TRIM59: variants seen among roughly 807,000 people sequenced by gnomAD.
The protein encoded by TRIM59 is tripartite motif-containing protein 59.
A neutral mutation model predicts 32.2 loss-of-function variants in TRIM59; 14 were observed. The observed-to-expected ratio is 0.43, with a 90% CI of 0.29 to 0.68. The LOEUF is 0.68. Among genes scored for constraint, TRIM59 ranks in the 30% least tolerant of loss-of-function variants. The pLI is 0.15. For synonymous variants in TRIM59, 163 were observed against 155.1 expected, an observed-to-expected ratio of 1.05 and a Z score of -0.38; for missense variants, 471 against 463.3, an observed-to-expected ratio of 1.02 and a Z score of -0.15.
In TRIM59 at chr3:160,438,134, T is replaced by C; in HGVS notation, c.1050A>G (p.Gln350=). 6.2e-7 allele frequency: 1 copy of C among 1,612,122 alleles called. No individual in the cohort carries two copies. Among genetic ancestry groups the C allele is most frequent in the Non-Finnish European group, 8.5e-7 (1 of 1,179,360 alleles). The change falls in exon 3 of 3, where the codon CAA becomes CAG. Residue 350 remains glutamine, a synonymous_variant. Transcript: ENST00000309784. ...TTTCACTTAAAAAGGTTATGATGTGTTGGTTGAAAAAGAGTATCGACATCA... is the reference window on the plus strand; with the variant it reads ...TTTCACTTAAAAAGGTTATGATGTGCTGGTTGAAAAAGAGTATCGACATCA... ...VILMSILFFN[Q]HIITFLSEIT... is the part of the protein sequence containing the mutation.
chr3:160,442,418 C>G (rs1468141485), intron 2 of TRIM59, among the ~76,000 whole-genome samples: 1 of 152,026 alleles, frequency 6.6e-6, no homozygotes, highest in African/African-American at 2.4e-5. Flanking sequence ...CCTGTATCTA[C>G]TAAAAATACA....
Position 160,438,737 on chromosome 3 carries a change from A to G in TRIM59, c.447T>C (p.Leu149=), listed in dbSNP as rs1231739964. 1 of 1,614,086 alleles carries G rather than the reference A, an allele frequency of 6.2e-7. No individual in the cohort carries two copies. The highest frequency in any genetic ancestry group is 1.7e-5 in the Admixed American group (1 of 60,022). ...TCCAGTGTGTGTCAGTCAACTGTTCAAGCAGTTTTTGAGGAGTGTCCTTTT... is the reference window on the plus strand; with the variant it reads ...TCCAGTGTGTGTCAGTCAACTGTTCGAGCAGTTTTTGAGGAGTGTCCTTTT... ...LKEKDTPQKL[L]EQLTDTHWTD... is the part of the protein sequence containing the mutation. The change falls in exon 3 of 3, where the codon CTT becomes CTC. Residue 149 remains leucine, a synonymous_variant. Coordinates refer to ENST00000309784, the MANE Select transcript of TRIM59 (RefSeq NM_173084.3).
chr3:160,441,626 C>T (rs1032061019), intron 2 of TRIM59, among the ~76,000 whole-genome samples: 1 of 151,360 alleles, frequency 6.6e-6, no homozygotes, highest in Non-Finnish European at 1.5e-5. Context: ...TGGTGGTGGG[C>T]GCCTGTAGTC....
Position 160,435,714 on chromosome 3 carries a change from G to A in TRIM59, c.*2258C>T, listed in dbSNP as rs1718902609. On this transcript the variant is annotated 3_prime_UTR_variant, in exon 3 of 3. Transcript: ENST00000309784. ...CCTAAAAACTGGCAAGATACAAAAT[G>A]TCAAATCTAAAATGATATATATACT... 1 of 254,804 alleles carries A rather than the reference G, an allele frequency of 3.9e-6. No individual in the cohort carries two copies. Among genetic ancestry groups the A allele is most frequent in the Non-Finnish European group, 8.0e-6 (1 of 125,590 alleles). The allele number at this position is 254,804 out of a possible 1,614,324, so 15.8% of individuals were successfully genotyped here. A position where few individuals can be genotyped will look rare whatever the true frequency, so the allele number is the denominator to read the frequency against.
At chr3:160,443,311 G>A (rs1174376161) in intron 2 of TRIM59, among the ~76,000 whole-genome samples, 1 of 148,000 alleles carries the variant, frequency 6.8e-6, no homozygotes, top group African/African-American at 2.4e-5. Flanking sequence ...CTGTATGTAG[G>A]TTTCCAAACA....
Position 160,437,439 on chromosome 3 carries a change from G to C in TRIM59, c.*533C>G, listed in dbSNP as rs189730607. 4.1e-6 allele frequency: 4 copies of C among 985,322 alleles called. No individual in the cohort carries two copies. Among genetic ancestry groups the C allele is most frequent in the Admixed American group, 6.1e-5 (1 of 16,272 alleles). The allele number at this position is 985,322 out of a possible 1,614,324, so 61.0% of individuals were successfully genotyped here. A position where few individuals can be genotyped will look rare whatever the true frequency, so the allele number is the denominator to read the frequency against. The stretch of plus-strand genomic sequence containing the variant: ...TGGAGTGAATGGTGATAAGCATTTA[G>C]GGCTCTTAAATCTATCTCAAACACA... On this transcript the variant is annotated 3_prime_UTR_variant, in exon 3 of 3. Coordinates refer to ENST00000309784, the MANE Select transcript of TRIM59 (RefSeq NM_173084.3).
At chr3:160,445,773 CAAAAAAA>C (rs75175042) in intron 2 of TRIM59, among the ~76,000 whole-genome samples, 4 of 90,900 alleles carry the variant, frequency 4.4e-5, no homozygotes, top group Non-Finnish European at 8.8e-5. Flanking sequence ...GACTCTGTCT[CAAAAAAA>C]AAAAAAAAAA....
In TRIM59 at chr3:160,439,022, G is replaced by A; in HGVS notation, c.162C>T (p.Leu54=). The A allele has an allele frequency of 6.2e-7, 1 of 1,611,390 alleles. No homozygotes were observed. The highest frequency in any genetic ancestry group is 1.1e-5 in the South Asian group (1 of 90,628). ...FYIWRPLRIP[L]KCPNCRSITE... is the part of the protein sequence containing the mutation. ...TAATACTTCTGCAATTAGGGCACTT[G>A]AGTGGAATTCGTAAAGGTCTCCATA... is the stretch of plus-strand genomic sequence containing the variant. The change falls in exon 3 of 3, where the codon CTC becomes CTT. Residue 54 remains leucine (L), a synonymous_variant. Transcript: ENST00000309784.
Position 160,436,063 on chromosome 3 carries a change from G to A in TRIM59, c.*1909C>T. On this transcript the variant is annotated 3_prime_UTR_variant, in exon 3 of 3. Transcript: ENST00000309784. ...ACTTAGTATTTTTATCTCTAGCTGAGTATGTGTCTCTCCTTACCTCTACTA... is the reference window on the plus strand; with the variant it reads ...ACTTAGTATTTTTATCTCTAGCTGAATATGTGTCTCTCCTTACCTCTACTA... 8.5e-7 allele frequency: 1 copy of A among 1,171,828 alleles called. No homozygotes were observed. The highest frequency in any genetic ancestry group is 1.1e-6 in the Non-Finnish European group (1 of 933,690). 72.6% of individuals were successfully genotyped at this position (1,171,828 alleles called of 1,614,324 possible).
At chr3:160,443,289 G>A (rs755237456) in intron 2 of TRIM59, among the ~76,000 whole-genome samples, 5 of 151,974 alleles carry the variant, frequency 3.3e-5, no homozygotes. Context: ...GAACATCTTG[G>A]ATTTAGCTAT....
chr3:160,443,725 C>T (rs1473042407), intron 2 of TRIM59, among the ~76,000 whole-genome samples: 8 of 152,012 alleles, frequency 5.3e-5, no homozygotes, highest in African/African-American at 1.2e-4. Flanking sequence ...CTGCAAGCTC[C>T]GCCTCCTGGG....
At chr3:160,441,127 G>C (rs1719216355) in intron 2 of TRIM59, among the ~76,000 whole-genome samples, 1 of 152,168 alleles carries the variant, frequency 6.6e-6, no homozygotes, top group Non-Finnish European at 1.5e-5. Flanking sequence ...CTTTTCCCCA[G>C]ATTAGGTCCC....
At position 160,438,702 on chromosome 3, in the gene TRIM59, G is replaced by A. The variant is rs754455288; in HGVS notation, c.482C>T (p.Thr161Ile). 6.2e-7 allele frequency: 1 copy of A among 1,613,834 alleles called. No individual in the cohort carries two copies. Among genetic ancestry groups the A allele is most frequent in the Admixed American group, 1.7e-5 (1 of 59,986 alleles). ...QLTDTHWTDL[T>I]HLIEKLKEQK... The stretch of plus-strand genomic sequence containing the variant: ...TTCTTTCAGCTTTTCAATAAGATGG[G>A]TAAGATCTGTCCAGTGTGTGTCAGT... Residue 161 changes from threonine (T) to isoleucine (I), a missense_variant, in exon 3 of 3, where the codon ACC (threonine) becomes ATC (isoleucine). Transcript: ENST00000309784.
In TRIM59 at chr3:160,438,037, T is replaced by C; in HGVS notation, c.1147A>G (p.Lys383Glu). Reference protein sequence around the residue: ...QSLSNSLHKVKNILCHIFYLL... With the variant: ...QSLSNSLHKVENILCHIFYLL... Reference sequence around the variant, plus strand: ...TAGAAAATGTGACACAGTATATTCTTTACCTTATGCAGACTGTTAGATAAA... The same window carrying C: ...TAGAAAATGTGACACAGTATATTCTCTACCTTATGCAGACTGTTAGATAAA... The change falls in exon 3 of 3, where the codon AAG becomes GAG. Residue 383 changes from lysine (K) to glutamate (E), a missense_variant. Coordinates refer to ENST00000309784, the MANE Select transcript of TRIM59 (RefSeq NM_173084.3). 2 of 1,590,968 alleles carry C rather than the reference T, an allele frequency of 1.3e-6. No individual in the cohort carries two copies. The highest frequency in any genetic ancestry group is 1.4e-5 in the African/African-American group (1 of 73,424).
rs1224455606 is a variant in TRIM59, at chr3:160,436,570, G to A, written c.*1402C>T. The A allele has an allele frequency of 1.5e-5, 14 of 955,212 alleles. No individual in the cohort carries two copies. Among genetic ancestry groups the A allele is most frequent in the South Asian group, 4.8e-5 (1 of 20,628 alleles). The allele number at this position is 955,212 out of a possible 1,614,324, so 59.2% of individuals were successfully genotyped here. A position where few individuals can be genotyped will look rare whatever the true frequency, so the allele number is the denominator to read the frequency against. ...TCCCAGCATTTTGGGAGGCTGAGGC[G>A]AGTGGATCATGAGGTCAGGAGATAG... is the stretch of plus-strand genomic sequence containing the variant. On this transcript the variant is annotated 3_prime_UTR_variant, in exon 3 of 3. Transcript: ENST00000309784.
chr3:160,438,394 A>C lies in TRIM59; in HGVS notation c.790T>G (p.Leu264Val). 1 of 1,613,870 alleles carries C rather than the reference A, an allele frequency of 6.2e-7. No homozygotes were observed. The highest frequency in any genetic ancestry group is 8.5e-7 in the Non-Finnish European group (1 of 1,179,968). Residue 264 changes from leucine to valine, a missense_variant, in exon 3 of 3, where the codon TTG (leucine) becomes GTG (valine). Coordinates refer to ENST00000309784, the MANE Select transcript of TRIM59 (RefSeq NM_173084.3). ...VDDVRQHVQILKQRPLPEVQP... is the reference protein window; with the variant it reads ...VDDVRQHVQIVKQRPLPEVQP... ...ACCTCAGGAAGTGGTCTTTGTTTCA[A>C]GATCTGTACATGCTGGCGTACATCA...
intron 2 of TRIM59, among the ~76,000 whole-genome samples, chr3:160,445,539 C>T (rs1042787228): frequency 3.9e-5 from 6 of 151,978 alleles, no homozygotes; most frequent in African/African-American, 9.7e-5. Context: ...CTTGGGAGGC[C>T]GAGACAGGCG....
chr3:160,443,244 G>GA lies in TRIM59; in HGVS notation c.-3-4059dup, dbSNP rs540029274. On this transcript the variant is annotated intron_variant, in intron 2 of 2. Coordinates refer to ENST00000309784, the MANE Select transcript of TRIM59 (RefSeq NM_173084.3). ...TCTAGGCTTCTGAAAGGAAGAAAAAGAACAAAAAATTAACCTATGTATATT... is the reference window on the plus strand; with the variant it reads ...TCTAGGCTTCTGAAAGGAAGAAAAAGAAACAAAAAATTAACCTATGTATATT... 1.2e-4 allele frequency among the ~76,000 whole-genome samples: 18 copies of GA among 152,168 alleles called. No individual in the cohort carries two copies. The South Asian group carries it at 3.5e-3, about 30-fold the overall frequency.
chr3:160,437,605 G>C lies in TRIM59; in HGVS notation c.*367C>G. On this transcript the variant is annotated 3_prime_UTR_variant, in exon 3 of 3. Transcript: ENST00000309784. ...CAAAATAAAGGTATATGTTCTTTCAGGATTTTGCTATATATATAAAGAACT... is the reference window on the plus strand; with the variant it reads ...CAAAATAAAGGTATATGTTCTTTCACGATTTTGCTATATATATAAAGAACT... 1 of 989,376 alleles carries C rather than the reference G, an allele frequency of 1.0e-6. No homozygotes were observed. Among genetic ancestry groups the C allele is most frequent in the Non-Finnish European group, 1.2e-6 (1 of 832,610 alleles). The allele number at this position is 989,376 out of a possible 1,614,324, so 61.3% of individuals were successfully genotyped here. A position where few individuals can be genotyped will look rare whatever the true frequency, so the allele number is the denominator to read the frequency against.
Sources: gnomAD v4.1 joint callset for allele counts (sites outside exome capture counted in the v4.1 genomes callset) on GRCh38, gnomAD v4.1.1 for gene constraint, MANE v1.5 for transcripts, NCBI Gene and HGNC (gene_info 2026-07-23, HGNC 2026-07-21) for gene names.